Variants in PTPRD observed in about 807,000 individuals in gnomAD.
PTPRD encodes the protein receptor-type tyrosine-protein phosphatase delta.
In PTPRD, 34 loss-of-function variants were observed where a neutral mutation model predicts 214.5. That is an observed-to-expected ratio of 0.16 (90% confidence interval 0.12 to 0.21). The LOEUF (loss-of-function observed/expected upper bound fraction) is 0.21. Ranked by LOEUF, PTPRD falls within the 10% of genes least tolerant of loss-of-function variation. The pLI is 1.00. For synonymous variants in PTPRD, 1,128 were observed against 845.7 expected, an observed-to-expected ratio of 1.33 and a Z score of -5.79; for missense variants, 2,545 against 2,398.7, an observed-to-expected ratio of 1.06 and a Z score of -1.27.
intron 10 of PTPRD, among the ~76,000 whole-genome samples, chr9:9,176,592 C>T (rs1569558935): frequency 6.6e-6 from 1 of 152,040 alleles, no homozygotes; most frequent in South Asian, 2.1e-4. Context: ...GGAGTTGGGG[C>T]CTTAAAGAGG....
At chr9:8,733,257 G>C (rs554332077) in intron 12 of PTPRD, among the ~76,000 whole-genome samples, 5 of 152,058 alleles carry the variant, frequency 3.3e-5, no homozygotes, top group Non-Finnish European at 7.3e-5. Flanking sequence ...AAAGTTGTCA[G>C]TTCTGCTTGA....
intron 35 of PTPRD, among the ~76,000 whole-genome samples, chr9:8,410,104 T>C (rs1333167909): frequency 6.6e-6 from 1 of 152,220 alleles, no homozygotes; most frequent in Non-Finnish European, 1.5e-5. Flanking sequence ...GTCTCTCTCT[T>C]CTCTGTTTGA....
intron 5 of PTPRD, among the ~76,000 whole-genome samples, chr9:9,935,845 A>T (rs1457565056): frequency 6.7e-6 from 1 of 149,562 alleles, no homozygotes; most frequent in African/African-American, 2.5e-5. Flanking sequence ...AGGCTACAGT[A>T]ACCAAAACAG....
At chr9:8,999,338 C>T (rs1345928557) in intron 11 of PTPRD, among the ~76,000 whole-genome samples, 4 of 152,064 alleles carry the variant, frequency 2.6e-5, no homozygotes, top group Non-Finnish European at 4.4e-5. Flanking sequence ...CCACAACCCC[C>T]AGCCTGATCA....
intron 30 of PTPRD, among the ~76,000 whole-genome samples, chr9:8,480,544 T>G (rs567134990): frequency 6.6e-6 from 1 of 152,190 alleles, no homozygotes; most frequent in Non-Finnish European, 1.5e-5. Flanking sequence ...AACATTAACG[T>G]TGACTATTAG....
chr9:9,676,688 T>A (rs558329678), intron 7 of PTPRD, among the ~76,000 whole-genome samples: 2 of 152,250 alleles, frequency 1.3e-5, no homozygotes, highest in East Asian at 3.9e-4. Flanking sequence ...TCTAGATCCC[T>A]GAGGAATCGC....
rs748756399 is a variant in PTPRD at position 9,752,407 on chromosome 9, C to A, written c.-326+14403G>T. On this transcript the variant is annotated intron_variant, in intron 6 of 45. Coordinates refer to ENST00000381196, the MANE Select transcript of PTPRD (RefSeq NM_002839.4). ...CATTTTAGAGATGAACAAATTGAGA[C>A]CCATAGAGGTTATAATGAACTCAAG... Among the ~76,000 whole-genome samples the A allele has an allele frequency of 4.1e-4, 62 of 152,066 alleles. No homozygotes were observed. In the Middle Eastern group the frequency reaches 0.014, roughly 33 times the overall value.
rs192296651 is a variant in PTPRD, at chr9:9,977,276, C to G, written c.-471-38666G>C. Among the ~76,000 whole-genome samples, 405 of 152,194 alleles carry G rather than the reference C, an allele frequency of 2.7e-3. 4 individuals carry two copies. Among genetic ancestry groups the G allele is most frequent in the African/African-American group, 9.3e-3 (388 of 41,532 alleles). On this transcript the variant is annotated intron_variant, in intron 4 of 45. Transcript: ENST00000381196. ...ACCAATTTGAAGCTCAAAAGTGCAT[C>G]CTTGGCTTAATAAAAAGAGAAAGTA... is the stretch of plus-strand genomic sequence containing the variant.
chr9:10,308,708 C>G (rs1185725281), intron 3 of PTPRD, among the ~76,000 whole-genome samples: 1 of 151,992 alleles, frequency 6.6e-6, no homozygotes, highest in African/African-American at 2.4e-5. Flanking sequence ...GATGTCTTTT[C>G]ATTTGTAATC....
At chr9:9,286,807 T>C (rs1186413627) in intron 9 of PTPRD, among the ~76,000 whole-genome samples, 2 of 141,966 alleles carry the variant, frequency 1.4e-5, no homozygotes, top group Admixed American at 7.2e-5. Flanking sequence ...GCATAGTGCC[T>C]GAAAAAATGA....
intron 5 of PTPRD, among the ~76,000 whole-genome samples, chr9:9,894,999 G>A (rs2074547740): frequency 6.6e-6 from 1 of 151,956 alleles, no homozygotes; most frequent in South Asian, 2.1e-4. Flanking sequence ...CTAGAAAAAA[G>A]CAAAGTACAG....
intron 3 of PTPRD, among the ~76,000 whole-genome samples, chr9:10,318,105 A>T (rs1236055996): frequency 6.6e-6 from 1 of 152,048 alleles, no homozygotes; most frequent in East Asian, 1.9e-4. Flanking sequence ...ATATTTTGAC[A>T]GAATAGATAT....
intron 2 of PTPRD, among the ~76,000 whole-genome samples, chr9:10,598,709 GTGGTGT>G (rs1475866128): frequency 3.0e-5 from 2 of 67,246 alleles, no homozygotes; most frequent in Non-Finnish European, 6.3e-5. Flanking sequence ...TGTGTGGTGT[GTGGTGT>G]GTGTGTGTGT....
At chr9:9,869,627 A>T (rs1236020816) in intron 5 of PTPRD, among the ~76,000 whole-genome samples, 1 of 152,132 alleles carries the variant, frequency 6.6e-6, no homozygotes, top group Non-Finnish European at 1.5e-5. Context: ...CAATACCTAA[A>T]TCTAACCAAA....
chr9:10,099,762 A>T (rs78096977), intron 3 of PTPRD, among the ~76,000 whole-genome samples: 150 of 151,694 alleles, frequency 9.9e-4, no homozygotes, highest in African/African-American at 3.4e-3. Context: ...AGTGGAGCAA[A>T]CTTATCTTAA....
chr9:9,264,102 A>G (rs966126190), intron 9 of PTPRD, among the ~76,000 whole-genome samples: 4 of 151,672 alleles, frequency 2.6e-5, no homozygotes, highest in African/African-American at 7.2e-5. Flanking sequence ...AATAACCACA[A>G]TGGAAGACTT....
intron 3 of PTPRD, among the ~76,000 whole-genome samples, chr9:10,157,085 T>C (rs13291684): frequency 0.2 from 30,861 of 151,998 alleles, 3,386 homozygotes; most frequent in Admixed American, 0.33. Flanking sequence ...CTATACCCAG[T>C]TTGTCACTCT....
Position 9,399,769 on chromosome 9 carries a change from C to T in PTPRD, c.-236-2287G>A, listed in dbSNP as rs577522296. Among the ~76,000 whole-genome samples the T allele has an allele frequency of 3.9e-5, 6 of 152,134 alleles. No homozygotes were observed. In the East Asian group the frequency reaches 7.8e-4, roughly 20 times the overall value. Reference sequence around the variant, plus strand: ...TGCTACCATGCAAGACATGACTTTGCTCCTCATTCACCTTCCGCCATGATT... The same window carrying T: ...TGCTACCATGCAAGACATGACTTTGTTCCTCATTCACCTTCCGCCATGATT... On this transcript the variant is annotated intron_variant, in intron 8 of 45. Transcript: ENST00000381196.
intron 6 of PTPRD, among the ~76,000 whole-genome samples, chr9:9,763,084 T>A (rs1484434776): frequency 6.6e-6 from 1 of 152,140 alleles, no homozygotes; most frequent in Non-Finnish European, 1.5e-5. Flanking sequence ...TCCAATTCTA[T>A]CAAATTAGGA....
Sources: allele counts gnomAD v4.1 joint callset (sites outside exome capture counted in the v4.1 genomes callset), GRCh38; gene constraint gnomAD v4.1.1; transcripts MANE v1.5; gene names NCBI Gene and HGNC (gene_info 2026-07-23, HGNC 2026-07-21).